The following MEGF10 variants were observed in gnomAD, a reference collection of about 807,000 sequenced individuals.
The protein encoded by MEGF10 is multiple epidermal growth factor-like domains protein 10.
In MEGF10, 86 loss-of-function variants were observed where a neutral mutation model predicts 147.5. That is an observed-to-expected ratio of 0.58 (90% CI 0.49 to 0.70). The LOEUF (loss-of-function observed/expected upper bound fraction) is 0.70. Among genes scored for constraint, MEGF10 ranks in the 30% least tolerant of loss-of-function variants. The pLI is 0.00. For synonymous variants in MEGF10, 478 were observed against 525.5 expected (o/e 0.91, Z 1.24); for missense variants, 1,329 against 1,487.3 (o/e 0.89, Z 1.75).
intron 1 of MEGF10, among the ~76,000 whole-genome samples, chr5:127,317,229 C>A (rs1405260600): frequency 6.6e-6 from 1 of 151,984 alleles, no homozygotes; most frequent in Admixed American, 6.6e-5. Context: ...GGATATTAGC[C>A]CTTTGTCAGA....
rs1367405629 is a variant in MEGF10, at chr5:127,443,582, C to T, written c.2491+456C>T. Among the ~76,000 whole-genome samples the T allele has an allele frequency of 5.9e-5, 9 of 152,248 alleles. No individual in the cohort carries two copies. In the East Asian group the frequency reaches 1.5e-3, roughly 26 times the overall value. ...CCATCACCATGTGTTTCCTCATGCCCCTCCCTACTTCTACCACCCCTTAAG... is the reference window on the plus strand; with the variant it reads ...CCATCACCATGTGTTTCCTCATGCCTCTCCCTACTTCTACCACCCCTTAAG... On this transcript the variant is annotated intron_variant, in intron 19 of 24. Coordinates refer to ENST00000503335, the MANE Select transcript of MEGF10 (RefSeq NM_001256545.2).
chr5:127,318,645 A>G (rs1414100037), intron 1 of MEGF10, among the ~76,000 whole-genome samples: 2 of 152,216 alleles, frequency 1.3e-5, no homozygotes, highest in Non-Finnish European at 1.5e-5. Flanking sequence ...CAATCTTGCC[A>G]TTGAAAAATT....
intron 5 of MEGF10, among the ~76,000 whole-genome samples, chr5:127,393,656 A>T (rs1316004807): frequency 6.6e-6 from 1 of 152,226 alleles, no homozygotes; most frequent in African/African-American, 2.4e-5. Context: ...GGAAGCTATC[A>T]CTTGAAAACA....
intron 5 of MEGF10, among the ~76,000 whole-genome samples, chr5:127,375,042 A>C (rs1470908319): frequency 6.6e-6 from 1 of 152,180 alleles, no homozygotes; most frequent in Non-Finnish European, 1.5e-5. Context: ...GAGTATTAAG[A>C]GGTATTCCAC....
Position 127,369,916 on chromosome 5 carries a change from G to C in MEGF10, c.326G>C (p.Cys109Ser). 6.2e-7 allele frequency: 1 copy of C among 1,607,218 alleles called. No homozygotes were observed. The highest frequency in any genetic ancestry group is 8.5e-7 in the Non-Finnish European group (1 of 1,176,158). ...YESGEMCVPH[C>S]ADKCVHGRCI... The stretch of plus-strand genomic sequence containing the variant: ...TTGATTTTCTCTCTGACAGCCCACT[G>C]TGCTGATAAATGTGTCCATGGTCGC... The change falls in exon 5 of 25, where the codon TGT becomes TCT. Residue 109 changes from cysteine to serine, a missense_variant. Cys to Ser is a moderately radical substitution (Grantham distance 112). This residue lies in a region of MEGF10 where 980 missense variants were observed against 1,085.9 expected (regional missense o/e 0.90). Coordinates refer to ENST00000503335, the MANE Select transcript of MEGF10 (RefSeq NM_001256545.2).
chr5:127,250,141 A>G, the MEGF10 span, among the ~76,000 whole-genome samples: 2 of 152,044 alleles, frequency 1.3e-5, no homozygotes, highest in African/African-American at 4.8e-5. Context: ...CATGAATAAA[A>G]CTTATGTGGC....
the MEGF10 span, among the ~76,000 whole-genome samples, chr5:127,259,029 A>G: frequency 1.3e-5 from 2 of 152,164 alleles, no homozygotes; most frequent in African/African-American, 4.8e-5. Flanking sequence ...AAGACTTCTG[A>G]TCTTAGCTGT....
intron 13 of MEGF10, among the ~76,000 whole-genome samples, chr5:127,426,002 A>G (rs1453504060): frequency 6.6e-6 from 1 of 152,254 alleles, no homozygotes; most frequent in Non-Finnish European, 1.5e-5. Flanking sequence ...GATCAAATCA[A>G]CAAGATGGCC....
chr5:127,356,520 C>T (rs1048797826), intron 4 of MEGF10, among the ~76,000 whole-genome samples: 1 of 152,116 alleles, frequency 6.6e-6, no homozygotes, highest in African/African-American at 2.4e-5. Context: ...ACCGGCTGGC[C>T]ACGTTGGAAG....
rs74896410 is a variant in MEGF10 at position 127,360,347 on chromosome 5, G to A, written c.320-9563G>A. ...CGTAGTGACTTTTATCTGTAATTTT[G>A]TTAAGTGCTCTTTTTTTAGTAGTTT... On this transcript the variant is annotated intron_variant, in intron 4 of 24. Transcript: ENST00000503335. 2.4e-3 allele frequency among the ~76,000 whole-genome samples: 364 copies of A among 151,976 alleles called. 1 individual carries two copies. Among genetic ancestry groups the A allele is most frequent in the African/African-American group, 8.2e-3 (341 of 41,512 alleles).
chr5:127,454,509 T>A, intron 22 of MEGF10, 57 bp from the exon 23 acceptor site: 1 of 1,499,956 alleles, frequency 6.7e-7, no homozygotes, highest in Non-Finnish European at 9.1e-7. Context: ...GGATATTGGA[T>A]GGGGTTTTTC....
At position 127,380,460 on chromosome 5, in the gene MEGF10, G is replaced by T. The variant is rs79958854; in HGVS notation, c.412+10458G>T. On this transcript the variant is annotated intron_variant, in intron 5 of 24. Coordinates refer to ENST00000503335, the MANE Select transcript of MEGF10 (RefSeq NM_001256545.2). ...GTGGCCTAAGGTTGCTCAGGCTTCTGTGGCTTCAGGACGCACCTTGGCTAT... is the reference window on the plus strand; with the variant it reads ...GTGGCCTAAGGTTGCTCAGGCTTCTTTGGCTTCAGGACGCACCTTGGCTAT... Among the ~76,000 whole-genome samples the T allele has an allele frequency of 2.3e-3, 348 of 152,182 alleles. 1 individual carries two copies. Among genetic ancestry groups the T allele is most frequent in the African/African-American group, 7.9e-3 (329 of 41,528 alleles).
chr5:127,437,465 T>C (rs1382550693), intron 16 of MEGF10, among the ~76,000 whole-genome samples: 1 of 152,230 alleles, frequency 6.6e-6, no homozygotes, highest in Non-Finnish European at 1.5e-5. Flanking sequence ...AGTTACTTCA[T>C]ATGTATTATT....
At chr5:127,411,157 T>C (rs1764542827) in intron 9 of MEGF10, among the ~76,000 whole-genome samples, 1 of 152,118 alleles carries the variant, frequency 6.6e-6, no homozygotes, top group African/African-American at 2.4e-5. Context: ...ACAAGGGACT[T>C]TTAGCTCAAA....
intron 1 of MEGF10, among the ~76,000 whole-genome samples, chr5:127,330,556 G>T (rs1411549503): frequency 1.3e-5 from 2 of 151,924 alleles, no homozygotes; most frequent in African/African-American, 2.4e-5. Context: ...ACAGTCTTTA[G>T]GTTCATTTTC....
the MEGF10 span, among the ~76,000 whole-genome samples, chr5:127,252,253 T>C: frequency 6.6e-6 from 1 of 151,890 alleles, no homozygotes; most frequent in South Asian, 2.1e-4. Flanking sequence ...TACTTAGTTA[T>C]TCCACATTTA....
intron 1 of MEGF10, among the ~76,000 whole-genome samples, chr5:127,294,997 G>A (rs1352470371): frequency 6.6e-6 from 1 of 152,026 alleles, no homozygotes; most frequent in Non-Finnish European, 1.5e-5. Context: ...TTTTTGGAAT[G>A]ACGTGTCAGA....
At chr5:127,249,927 G>A in the MEGF10 span, among the ~76,000 whole-genome samples, 1 of 152,016 alleles carries the variant, frequency 6.6e-6, no homozygotes, top group Non-Finnish European at 1.5e-5. Context: ...AGAGTGAAAG[G>A]AGGAATGCAA....
intron 5 of MEGF10, 93 bp from the exon 6 acceptor site, chr5:127,396,439 C>A: frequency 7.1e-7 from 1 of 1,404,856 alleles, no homozygotes; most frequent in Non-Finnish European, 9.6e-7. Flanking sequence ...AATGAATGGC[C>A]ATGAGAGGTC....
Sources: allele counts gnomAD v4.1 joint callset (sites outside exome capture counted in the v4.1 genomes callset), GRCh38; gene constraint gnomAD v4.1.1; regional missense constraint gnomAD v4.1.1; transcripts MANE v1.5; gene names NCBI Gene and HGNC (gene_info 2026-07-23, HGNC 2026-07-21).